The following EXT1 variants were observed in gnomAD, a reference collection of about 807,000 sequenced individuals.
EXT1 encodes exostosin-1.
Under a neutral mutation model 82.5 loss-of-function variants are expected in EXT1, and 20 were observed. The ratio of observed to expected loss-of-function variants is 0.24; its 90% CI spans 0.17 to 0.35. EXT1 has a LOEUF of 0.35. Among genes scored for constraint, EXT1 ranks in the 10% least tolerant of loss-of-function variants. The pLI is 1.00. For synonymous variants in EXT1, 348 were observed against 350.8 expected, an observed-to-expected ratio of 0.99 and a Z score of 0.09; for missense variants, 757 against 936.5, an observed-to-expected ratio of 0.81 and a Z score of 2.50.
At chr8:117,984,352 G>T (rs1199118333) in intron 1 of EXT1, among the ~76,000 whole-genome samples, 2 of 151,906 alleles carry the variant, frequency 1.3e-5, no homozygotes, top group African/African-American at 2.4e-5. Flanking sequence ...CTGGGGTGCA[G>T]GGTGAGGTGG....
intron 1 of EXT1, among the ~76,000 whole-genome samples, chr8:117,860,103 C>CG (rs1812653905): frequency 7.2e-6 from 1 of 138,410 alleles, no homozygotes; most frequent in Non-Finnish European, 1.5e-5. Context: ...GCTGAGATCA[C>CG]GCTACTGCCC....
chr8:118,003,471 T>C (rs935690874), intron 1 of EXT1, among the ~76,000 whole-genome samples: 2 of 152,134 alleles, frequency 1.3e-5, no homozygotes, highest in East Asian at 3.8e-4. Flanking sequence ...TTCTGTATAA[T>C]GTTTATGGGA....
At chr8:117,873,681 C>G (rs765426711) in intron 1 of EXT1, among the ~76,000 whole-genome samples, 1 of 152,062 alleles carries the variant, frequency 6.6e-6, no homozygotes, top group Non-Finnish European at 1.5e-5. Context: ...GTCTTGAAAT[C>G]CTGGCCTCAT....
rs149824224 is a variant in EXT1 at position 117,818,731 on chromosome 8, G to C, written c.1537-201C>G. 8.5e-3 allele frequency among the ~76,000 whole-genome samples: 1,296 copies of C among 152,242 alleles called. 10 individuals carry two copies. Among genetic ancestry groups the C allele is most frequent in the Middle Eastern group, 0.048 (14 of 294 alleles). On this transcript the variant is annotated intron_variant, in intron 6 of 10. Coordinates refer to ENST00000378204, the MANE Select transcript of EXT1 (RefSeq NM_000127.3). ...ACATTATCACCCCAACAACTGGAGA[G>C]AGGACAGAAAGAGCAAACAAATAAA... is the stretch of plus-strand genomic sequence containing the variant.
intron 1 of EXT1, among the ~76,000 whole-genome samples, chr8:118,098,450 A>G (rs1817658453): frequency 6.6e-6 from 1 of 152,062 alleles, no homozygotes; most frequent in East Asian, 1.9e-4. Flanking sequence ...ATACTAGTCC[A>G]TCAAGAATAG....
At chr8:118,002,983 G>A (rs905472670) in intron 1 of EXT1, among the ~76,000 whole-genome samples, 8 of 151,818 alleles carry the variant, frequency 5.3e-5, no homozygotes, top group African/African-American at 1.5e-4. Flanking sequence ...CAGCACAAAC[G>A]CCCATCAGTC....
intron 1 of EXT1, among the ~76,000 whole-genome samples, chr8:117,902,724 C>A (rs115814933): frequency 6.6e-6 from 1 of 152,356 alleles, no homozygotes; most frequent in East Asian, 1.9e-4. Flanking sequence ...GGGTGAAAAA[C>A]TAACATATTA....
chr8:118,038,007 A>T (rs1306501499), intron 1 of EXT1, among the ~76,000 whole-genome samples: 1 of 151,702 alleles, frequency 6.6e-6, no homozygotes, highest in Non-Finnish European at 1.5e-5. Flanking sequence ...TGCCCAGCTA[A>T]TTTTTTTGTA....
intron 1 of EXT1, among the ~76,000 whole-genome samples, chr8:117,932,166 G>A (rs918479151): frequency 6.6e-6 from 1 of 151,808 alleles, no homozygotes; most frequent in South Asian, 2.1e-4. Context: ...TGAGGTTTTT[G>A]GGGGGGTGCT....
At chr8:118,054,305 C>T (rs2129929711) in intron 1 of EXT1, among the ~76,000 whole-genome samples, 2 of 152,258 alleles carry the variant, frequency 1.3e-5, no homozygotes, top group Non-Finnish European at 2.9e-5. Flanking sequence ...CCCCTACTTC[C>T]TCAAGAAACC....
rs1817905827 is a variant in EXT1, at chr8:118,111,643, G to GTT, written c.-599_-598dup. 5.1e-6 allele frequency: 2 copies of GTT among 391,540 alleles called. No homozygotes were observed. The highest frequency in any genetic ancestry group is 2.6e-4 in the South Asian group (2 of 7,800). 24.3% of individuals were successfully genotyped at this position (391,540 alleles called of 1,614,324 possible). A position where few individuals can be genotyped will look rare whatever the true frequency, so the allele number is the denominator to read the frequency against. Reference sequence around the variant, plus strand: ...GCAGCGGCTCCAAGACTCCGGCGGTGTTTACTCCTGCGCTCGCGGGGCCGG... The same window carrying GTT: ...GCAGCGGCTCCAAGACTCCGGCGGTGTTTTTACTCCTGCGCTCGCGGGGCCGG... On this transcript the variant is annotated 5_prime_UTR_variant, in exon 1 of 11. Coordinates refer to ENST00000378204, the MANE Select transcript of EXT1 (RefSeq NM_000127.3).
chr8:117,911,546 AG>A (rs1431825455), intron 1 of EXT1, among the ~76,000 whole-genome samples: 19 of 152,238 alleles, frequency 1.2e-4, no homozygotes, highest in Non-Finnish European at 2.5e-4. Flanking sequence ...CTGCTCACCA[AG>A]AGAAGGCAAG....
chr8:117,985,991 T>C (rs2129777097), intron 1 of EXT1, among the ~76,000 whole-genome samples: 1 of 152,334 alleles, frequency 6.6e-6, no homozygotes, highest in East Asian at 1.9e-4. Flanking sequence ...GACTGGAGAT[T>C]TCTTGTTTTA....
rs371817652 is a variant in EXT1, at chr8:118,110,847, G to A, written c.200C>T (p.Pro67Leu). ...RFPDALRPFV[P>L]WDQLENEDSS... Reference sequence around the variant, plus strand: ...ATCCTCGTTTTCCAATTGATCCCAAGGAACGAAGGGGCGCAGAGCGTCCGG... The same window carrying A: ...ATCCTCGTTTTCCAATTGATCCCAAAGAACGAAGGGGCGCAGAGCGTCCGG... Residue 67 changes from proline to leucine, a missense_variant, in exon 1 of 11, where the codon CCT becomes CTT. Physicochemically the swap from Pro to Leu is moderately conservative, Grantham distance 98. Coordinates refer to ENST00000378204, the MANE Select transcript of EXT1 (RefSeq NM_000127.3). 1 of 1,612,490 alleles carries A rather than the reference G, an allele frequency of 6.2e-7. No individual in the cohort carries two copies. The highest frequency in any genetic ancestry group is 1.1e-5 in the South Asian group (1 of 91,056).
At chr8:117,839,147 G>A (rs772927590) in intron 1 of EXT1, among the ~76,000 whole-genome samples, 3 of 152,116 alleles carry the variant, frequency 2.0e-5, no homozygotes, top group African/African-American at 7.2e-5. Flanking sequence ...TGACATGATC[G>A]AAGCTTGTAT....
At chr8:117,861,961 A>T (rs973919026) in intron 1 of EXT1, among the ~76,000 whole-genome samples, 3 of 145,704 alleles carry the variant, frequency 2.1e-5, no homozygotes, top group Non-Finnish European at 4.6e-5. Context: ...CTGATGTTAA[A>T]CTATAAATTT....
intron 1 of EXT1, among the ~76,000 whole-genome samples, chr8:117,899,411 C>G (rs752404734): frequency 6.6e-6 from 1 of 152,204 alleles, no homozygotes; most frequent in Non-Finnish European, 1.5e-5. Flanking sequence ...TTCATCTCAG[C>G]CCATCACCAG....
At chr8:118,001,905 A>G (rs1490248987) in intron 1 of EXT1, among the ~76,000 whole-genome samples, 1 of 152,250 alleles carries the variant, frequency 6.6e-6, no homozygotes, top group African/African-American at 2.4e-5. Context: ...GGCCAATTTC[A>G]TAAGAAAAGA....
At chr8:117,810,117 T>C (rs985231795) in intron 8 of EXT1, among the ~76,000 whole-genome samples, 4 of 152,216 alleles carry the variant, frequency 2.6e-5, no homozygotes, top group African/African-American at 9.6e-5. Flanking sequence ...GCCCTTTCTC[T>C]CAAAAACCAA....
Sources: gnomAD v4.1 joint callset for allele counts (sites outside exome capture counted in the v4.1 genomes callset) on GRCh38, gnomAD v4.1.1 for gene constraint, MANE v1.5 for transcripts, NCBI Gene and HGNC (gene_info 2026-07-23, HGNC 2026-07-21) for gene names.